The following TAFA2 variants were observed in gnomAD, a reference collection of about 807,000 sequenced individuals.
TAFA2 encodes chemokine-like protein TAFA-2.
In TAFA2, 7 loss-of-function variants were observed where a neutral mutation model predicts 18.8. That is an observed-to-expected ratio of 0.37 (90% CI 0.21 to 0.70). The LOEUF is 0.70. Ranked by LOEUF, TAFA2 falls within the 30% of genes least tolerant of loss-of-function variation. The pLI, the probability that TAFA2 is intolerant of heterozygous loss-of-function variation, is 0.53. For missense variants in TAFA2, 122 were observed against 158.1 expected (o/e 0.77, Z 1.23); for synonymous variants, 60 against 54.2 (o/e 1.11, Z -0.47).
intron 1 of TAFA2, among the ~76,000 whole-genome samples, chr12:61,962,642 G>A (rs1878926607): frequency 1.3e-5 from 2 of 151,938 alleles, no homozygotes; most frequent in Non-Finnish European, 2.9e-5. Flanking sequence ...AAGAGTATAT[G>A]AAAAAAGTCA....
intron 1 of TAFA2, among the ~76,000 whole-genome samples, chr12:62,039,243 C>T (rs1881693722): frequency 6.6e-6 from 1 of 152,150 alleles, no homozygotes; most frequent in Non-Finnish European, 1.5e-5. Context: ...ACTCTATGCA[C>T]CTTACACTAA....
intron 1 of TAFA2, among the ~76,000 whole-genome samples, chr12:61,935,762 A>G (rs1429212877): frequency 2.0e-5 from 3 of 152,156 alleles, no homozygotes; most frequent in Non-Finnish European, 4.4e-5. Flanking sequence ...AAATAGATAA[A>G]TTTCTGGAAA....
Position 61,753,616 on chromosome 12 carries a change from A to G in TAFA2, c.384+6T>C. ...TTCTGTTTTCCCAAGCTTGCTGTCC[A>G]CTTACCCTAGTTGTTTTGACTTTAT... On this transcript the variant is annotated splice_donor_region_variant and intron_variant, in intron 4 of 4. Coordinates refer to ENST00000416284, the MANE Select transcript of TAFA2 (RefSeq NM_178539.5). The G allele has an allele frequency of 1.9e-6, 3 of 1,610,910 alleles. No homozygotes were observed. The highest frequency in any genetic ancestry group is 2.2e-5 in the East Asian group (1 of 44,708).
chr12:61,807,927 T>C (rs1358420179), intron 2 of TAFA2, among the ~76,000 whole-genome samples: 2 of 151,522 alleles, frequency 1.3e-5, no homozygotes, highest in Non-Finnish European at 1.5e-5. Context: ...TACAGGCTCA[T>C]AGGCAGAAGG....
intron 1 of TAFA2, among the ~76,000 whole-genome samples, chr12:61,947,946 A>G (rs2121444756): frequency 6.6e-6 from 1 of 152,262 alleles, no homozygotes; most frequent in Admixed American, 6.5e-5. Context: ...CTTTATGGAA[A>G]CTCCCATTTA....
intron 1 of TAFA2, among the ~76,000 whole-genome samples, chr12:62,126,011 A>G (rs1241175731): frequency 6.6e-6 from 1 of 152,114 alleles, no homozygotes; most frequent in African/African-American, 2.4e-5. Flanking sequence ...AATCCAGATC[A>G]CGGAAAACCA....
intron 1 of TAFA2, among the ~76,000 whole-genome samples, chr12:62,227,440 G>A (rs2062791865): frequency 6.6e-6 from 1 of 152,118 alleles, no homozygotes; most frequent in African/African-American, 2.4e-5. Flanking sequence ...TTGAGAAATA[G>A]CTCTGCAGAT....
chr12:62,033,994 T>C (rs574673590), intron 1 of TAFA2, among the ~76,000 whole-genome samples: 16 of 152,322 alleles, frequency 1.1e-4, no homozygotes, highest in African/African-American at 3.8e-4. Flanking sequence ...TTTCATGTGG[T>C]TCAATCTAAT....
chr12:62,209,137 T>A (rs2136971996), intron 1 of TAFA2, among the ~76,000 whole-genome samples: 1 of 152,318 alleles, frequency 6.6e-6, no homozygotes, highest in African/African-American at 2.4e-5. Context: ...CTGATACAGT[T>A]AGGCTTTGTG....
Position 62,256,904 on chromosome 12 carries a change from C to T in TAFA2, c.-130+1859G>A, listed in dbSNP as rs114021863. Among the ~76,000 whole-genome samples, 1,196 of 151,746 alleles carry T rather than the reference C, an allele frequency of 7.9e-3. 22 individuals are homozygous for T. The highest frequency in any genetic ancestry group is 0.028 in the African/African-American group (1,137 of 41,304). On this transcript the variant is annotated intron_variant, in intron 1 of 5. Transcript: ENST00000551619. ...TGCTCTGAGAGCTGGTAAAGAGAGA[C>T]GAGAATTATACAATTACATAAGATA...
intron 1 of TAFA2, among the ~76,000 whole-genome samples, chr12:61,998,455 GGTAA>G (rs1880273378): frequency 1.3e-5 from 2 of 152,116 alleles, no homozygotes; most frequent in South Asian, 2.1e-4. Flanking sequence ...TTATACCACA[GGTAA>G]GTATCTTTCC....
chr12:61,894,064 C>G (rs185946259), intron 1 of TAFA2, among the ~76,000 whole-genome samples: 4 of 152,080 alleles, frequency 2.6e-5, no homozygotes, highest in Admixed American at 2.6e-4. Context: ...ACTGTCCAGG[C>G]TAAACAGGCC....
At chr12:62,047,949 T>C (rs752528066) in intron 1 of TAFA2, among the ~76,000 whole-genome samples, 1 of 152,126 alleles carries the variant, frequency 6.6e-6, no homozygotes, top group Non-Finnish European at 1.5e-5. Context: ...CATAACCACA[T>C]AAATTCCTGC....
chr12:61,806,096 G>A (rs1384983792), intron 2 of TAFA2, among the ~76,000 whole-genome samples: 1 of 152,152 alleles, frequency 6.6e-6, no homozygotes, highest in African/African-American at 2.4e-5. Flanking sequence ...CTTTGCAGAG[G>A]ACATGTATGA....
intron 4 of TAFA2, among the ~76,000 whole-genome samples, chr12:61,742,529 T>C (rs7488101): frequency 0.5 from 75,733 of 151,904 alleles, 19,121 homozygotes; most frequent in African/African-American, 0.57. Flanking sequence ...GTCTACACTT[T>C]TTGTTCCTTA....
chr12:61,730,011 C>T (rs898823010), intron 4 of TAFA2, among the ~76,000 whole-genome samples: 40 of 152,076 alleles, frequency 2.6e-4, no homozygotes, highest in African/African-American at 8.2e-4. Context: ...TCTAGCCATC[C>T]AGCAGAGCTA....
At chr12:62,013,820 G>C (rs943231394) in intron 1 of TAFA2, among the ~76,000 whole-genome samples, 6 of 152,082 alleles carry the variant, frequency 3.9e-5, no homozygotes, top group Non-Finnish European at 8.8e-5. Context: ...GATAATTTAA[G>C]GTCACCTTCA....
At chr12:61,942,151 C>A (rs1427763817) in intron 1 of TAFA2, among the ~76,000 whole-genome samples, 1 of 148,644 alleles carries the variant, frequency 6.7e-6, no homozygotes, top group Admixed American at 6.7e-5. Context: ...GACCCCTGAC[C>A]CCCGAGCAGC....
intron 1 of TAFA2, among the ~76,000 whole-genome samples, chr12:62,240,059 TTGC>T (rs1228094094): frequency 1.3e-5 from 2 of 151,060 alleles, no homozygotes; most frequent in Non-Finnish European, 2.9e-5. Flanking sequence ...AATATATATG[TTGC>T]ATAATTATAT....
Sources: gnomAD v4.1 joint callset for allele counts (sites outside exome capture counted in the v4.1 genomes callset) on GRCh38, gnomAD v4.1.1 for gene constraint, MANE v1.5 for transcripts, NCBI Gene and HGNC (gene_info 2026-07-23, HGNC 2026-07-21) for gene names.